FAT4: variants seen among roughly 807,000 people sequenced by gnomAD.
FAT4 encodes the protein protocadherin Fat 4.
A neutral mutation model predicts 303.9 loss-of-function variants in FAT4; 84 were observed. The observed-to-expected ratio is 0.28, with a 90% confidence interval of 0.23 to 0.33. The LOEUF is 0.33. Among genes scored for constraint, FAT4 ranks in the 10% least tolerant of loss-of-function variants. The pLI, the probability that FAT4 is intolerant of heterozygous loss-of-function variation, is 1.00. For missense variants in FAT4, 6,005 were observed against 6,146.8 expected, an observed-to-expected ratio of 0.98 and a Z score of 0.77; for synonymous variants, 2,307 against 2,298.8, an observed-to-expected ratio of 1.00 and a Z score of -0.10.
intron 9 of FAT4, among the ~76,000 whole-genome samples, chr4:125,446,824 A>T: frequency 6.6e-6 from 1 of 151,870 alleles, no homozygotes; most frequent in Non-Finnish European, 1.5e-5. Flanking sequence ...CATATATATT[A>T]CATCATCGTT....
chr4:125,421,474 G>C (rs986786421), intron 7 of FAT4, among the ~76,000 whole-genome samples: 1 of 152,094 alleles, frequency 6.6e-6, no homozygotes, highest in African/African-American at 2.4e-5. Context: ...AATTTGTCCA[G>C]ACCTTTTAGA....
intron 2 of FAT4, among the ~76,000 whole-genome samples, chr4:125,357,896 C>A (rs1412730854): frequency 6.6e-6 from 1 of 152,070 alleles, no homozygotes; most frequent in Non-Finnish European, 1.5e-5. Flanking sequence ...GCCATACATC[C>A]CTTCCCCTTT....
intron 10 of FAT4, among the ~76,000 whole-genome samples, chr4:125,460,620 C>T (rs1560622858): frequency 6.6e-6 from 1 of 152,074 alleles, no homozygotes; most frequent in Admixed American, 6.6e-5. Context: ...TAATCTTGTT[C>T]TTTTTTATGA....
In FAT4 at chr4:125,384,265, G is replaced by A. The variant is rs190560276; in HGVS notation, c.5176-14519G>A. 1.7e-3 allele frequency among the ~76,000 whole-genome samples: 262 copies of A among 152,234 alleles called. 3 individuals are homozygous for A. Among genetic ancestry groups the A allele is most frequent in the African/African-American group, 5.8e-3 (239 of 41,552 alleles). On this transcript the variant is annotated intron_variant, in intron 2 of 17. Transcript: ENST00000394329. Reference sequence around the variant, plus strand: ...TGCCAAAGTATTTTCCAAAGTGGTTGCACCATCTTATATTCTCACCAACAA... The same window carrying A: ...TGCCAAAGTATTTTCCAAAGTGGTTACACCATCTTATATTCTCACCAACAA...
At chr4:125,328,283 A>G (rs140230847) in intron 2 of FAT4, among the ~76,000 whole-genome samples, 2 of 152,220 alleles carry the variant, frequency 1.3e-5, no homozygotes, top group Non-Finnish European at 2.9e-5. Context: ...ACATGTAATT[A>G]TATATTAACA....
chr4:125,318,961 A>G lies in FAT4; in HGVS notation c.2550A>G (p.Thr850=). 6.2e-7 allele frequency: 1 copy of G among 1,614,224 alleles called. No individual in the cohort carries two copies. The highest frequency in any genetic ancestry group is 1.1e-5 in the South Asian group (1 of 91,086). ...ACCAGGTCACTGGGCAGCTTACCACAGCAAATGTGATTGATAGAGAAGAGC... is the reference window on the plus strand; with the variant it reads ...ACCAGGTCACTGGGCAGCTTACCACGGCAAATGTGATTGATAGAGAAGAGC... ...AINQVTGQLT[T]ANVIDREEQS... The change falls in exon 2 of 18, where the codon ACA becomes ACG. Residue 850 remains threonine, a synonymous_variant. Transcript: ENST00000394329.
intron 2 of FAT4, among the ~76,000 whole-genome samples, chr4:125,354,713 T>C (rs903914252): frequency 2.1e-5 from 3 of 144,260 alleles, no homozygotes; most frequent in Non-Finnish European, 4.5e-5. Flanking sequence ...GTAATATTGG[T>C]AGATGGGAGA....
At position 125,320,579 on chromosome 4, in the gene FAT4, A is replaced by G. The variant is rs1290089827; in HGVS notation, c.4168A>G (p.Ile1390Val). Reference protein sequence around the residue: ...FETQSLYKLNITAKDQGRPPR... With the variant: ...FETQSLYKLNVTAKDQGRPPR... ...AACACAGTCTTTGTATAAATTAAATATAACAGCAAAAGACCAAGGAAGACC... is the reference window on the plus strand; with the variant it reads ...AACACAGTCTTTGTATAAATTAAATGTAACAGCAAAAGACCAAGGAAGACC... Residue 1390 changes from isoleucine (I) to valine (V), a missense_variant, in exon 2 of 18, where the codon ATA (isoleucine) becomes GTA (valine). Ile to Val is a conservative substitution (Grantham distance 29, BLOSUM62 3). Coordinates refer to ENST00000394329, the MANE Select transcript of FAT4 (RefSeq NM_001291303.3). The G allele has an allele frequency of 3.1e-6, 5 of 1,614,010 alleles. No individual in the cohort carries two copies. Among genetic ancestry groups the G allele is most frequent in the South Asian group, 2.2e-5 (2 of 91,088 alleles).
At chr4:125,414,783 C>T (rs146720714) in intron 5 of FAT4, 101 bp from the exon 6 acceptor site, 467 of 715,954 alleles carry the variant, frequency 6.5e-4, no homozygotes, top group African/African-American at 5.9e-3. Flanking sequence ...TTTGGATGCA[C>T]GGCATATCAA....
intron 3 of FAT4, among the ~76,000 whole-genome samples, chr4:125,402,198 C>T (rs1196786588): frequency 2.0e-5 from 3 of 151,956 alleles, no homozygotes; most frequent in South Asian, 4.1e-4. Context: ...TTATTTATTA[C>T]AGCCCATTTG....
chr4:125,448,604 G>C lies in FAT4; in HGVS notation c.7594G>C (p.Gly2532Arg). 1 of 1,613,868 alleles carries C rather than the reference G, an allele frequency of 6.2e-7. No individual in the cohort carries two copies. Among genetic ancestry groups the C allele is most frequent in the Non-Finnish European group, 8.5e-7 (1 of 1,179,868 alleles). Residue 2532 changes from glycine (G) to arginine (R), a missense_variant, in exon 10 of 18, where the codon GGA becomes CGA. Transcript: ENST00000394329. ...GAIMAAGPLN[G>R]ASEVTFSVHV... The stretch of plus-strand genomic sequence containing the variant: ...CATTATGGCCGCCGGACCACTAAAC[G>C]GAGCTTCAGAAGTGACATTTTCTGT...
At chr4:125,368,012 G>A (rs1009230952) in intron 2 of FAT4, among the ~76,000 whole-genome samples, 8 of 151,968 alleles carry the variant, frequency 5.3e-5, no homozygotes, top group South Asian at 4.2e-4. Flanking sequence ...TCCCCCTTCC[G>A]TTTAAGGTTT....
intron 2 of FAT4, among the ~76,000 whole-genome samples, chr4:125,365,451 G>A (rs947663367): frequency 1.3e-5 from 2 of 152,042 alleles, no homozygotes; most frequent in African/African-American, 4.8e-5. Flanking sequence ...CTTCCTATAT[G>A]TAAATAAATG....
Position 125,449,845 on chromosome 4 carries a change from T to A in FAT4, c.8835T>A (p.Asn2945Lys). 6.2e-7 allele frequency: 1 copy of A among 1,613,940 alleles called. No homozygotes were observed. Among genetic ancestry groups the A allele is most frequent in the Admixed American group, 1.7e-5 (1 of 60,004 alleles). ...ACCAAAATGTCACTGGCTTCAGTAA[T>A]GTGAATATCAACAGGCATAGTTTTA... Reference protein sequence around the residue: ...LKYQNVTGFSNVNINRHSFIV... With the variant: ...LKYQNVTGFSKVNINRHSFIV... The change falls in exon 10 of 18, where the codon AAT becomes AAA. Residue 2945 changes from asparagine (N) to lysine (K), a missense_variant. Physicochemically the swap from Asn to Lys is moderately conservative, Grantham distance 94 (BLOSUM62 0). Coordinates refer to ENST00000394329, the MANE Select transcript of FAT4 (RefSeq NM_001291303.3).
At chr4:125,421,912 T>A (rs1173409571) in intron 7 of FAT4, among the ~76,000 whole-genome samples, 6 of 152,196 alleles carry the variant, frequency 3.9e-5, no homozygotes, top group Non-Finnish European at 7.3e-5. Context: ...TAAATTTTTT[T>A]AAGGAAATCA....
chr4:125,431,290 T>C lies in FAT4; in HGVS notation c.7019-2955T>C, dbSNP rs532704925. Among the ~76,000 whole-genome samples, 65 of 152,328 alleles carry C rather than the reference T, an allele frequency of 4.3e-4. 1 individual carries two copies. The highest frequency in any genetic ancestry group is 3.4e-3 in the Middle Eastern group (1 of 294). ...CTTTCTTGAAATCTCACTGTAAGTCTTAAAATACCACATTTAAAAATGTCC... is the reference window on the plus strand; with the variant it reads ...CTTTCTTGAAATCTCACTGTAAGTCCTAAAATACCACATTTAAAAATGTCC... On this transcript the variant is annotated intron_variant, in intron 7 of 17. Coordinates refer to ENST00000394329, the MANE Select transcript of FAT4 (RefSeq NM_001291303.3).
chr4:125,448,380 G>A, intron 9 of FAT4, 81 bp from the exon 10 acceptor site: 4 of 1,261,056 alleles, frequency 3.2e-6, no homozygotes, highest in Admixed American at 4.5e-5. Flanking sequence ...CAGCAATAGA[G>A]TGTCTTATAT....
chr4:125,371,476 A>G (rs1233399317), intron 2 of FAT4, among the ~76,000 whole-genome samples: 1 of 151,822 alleles, frequency 6.6e-6, no homozygotes, highest in East Asian at 1.9e-4. Context: ...GTATCTTCCT[A>G]GAGTCTATCC....
chr4:125,406,841 C>A, intron 3 of FAT4, 39 bp from the exon 4 acceptor site: 1 of 1,591,730 alleles, frequency 6.3e-7, no homozygotes, highest in Non-Finnish European at 8.6e-7. Flanking sequence ...CAATGCTTTT[C>A]TACTTCCAAT....
Sources: gnomAD v4.1 joint callset for allele counts (sites outside exome capture counted in the v4.1 genomes callset) on GRCh38, gnomAD v4.1.1 for gene constraint, MANE v1.5 for transcripts, NCBI Gene and HGNC (gene_info 2026-07-23, HGNC 2026-07-21) for gene names.